The following PRKCE variants were observed in gnomAD, a reference collection of about 807,000 sequenced individuals.
PRKCE encodes protein kinase C epsilon.
In PRKCE, 16 loss-of-function variants were observed where a neutral mutation model predicts 85.4. The ratio of observed to expected loss-of-function variants is 0.19; its 90% CI spans 0.13 to 0.28. PRKCE has a LOEUF of 0.28. PRKCE is among the 10% of genes least tolerant of loss of function. PRKCE has a pLI of 1.00. For missense variants in PRKCE, 573 were observed against 975.2 expected (o/e 0.59, Z 5.49); for synonymous variants, 388 against 371.5 (o/e 1.04, Z -0.51).
intron 1 of PRKCE, among the ~76,000 whole-genome samples, chr2:45,833,934 C>T (rs1573539871): frequency 6.6e-6 from 1 of 152,208 alleles, no homozygotes; most frequent in South Asian, 2.1e-4. Flanking sequence ...GTGCTGTGAG[C>T]AGATGATGCT....
At chr2:45,933,497 T>C (rs1381167382) in intron 2 of PRKCE, among the ~76,000 whole-genome samples, 2 of 119,950 alleles carry the variant, frequency 1.7e-5, no homozygotes, top group Non-Finnish European at 3.4e-5. Flanking sequence ...TTTTTGAGAC[T>C]GAGTCTCGCT....
At position 46,185,008 on chromosome 2, in the gene PRKCE, CTATT is replaced by C. The variant is rs1680352919; in HGVS notation, c.*132_*135del. 3 of 1,296,670 alleles carry C rather than the reference CTATT, an allele frequency of 2.3e-6. No individual in the cohort carries two copies. The African/African-American group carries it at 4.4e-5, about 19-fold the overall frequency. The allele number at this position is 1,296,670 out of a possible 1,614,324, so 80.3% of individuals were successfully genotyped here. ...GGAGCCCCAGTCCCATGTCCACTGT[CTATT>C]TATTGCATTCCCTTGCCCCAGGCCA... On this transcript the variant is annotated 3_prime_UTR_variant, in exon 15 of 15. Transcript: ENST00000306156. The surrounding 1 kb of genome is among the most constrained non-coding windows in gnomAD (Gnocchi z 4.7).
chr2:46,010,981 A>C, intron 10 of PRKCE: 1 of 1,372,628 alleles, frequency 7.3e-7, no homozygotes. Flanking sequence ...TTTCATAGTG[A>C]AACACAAATA....
intron 2 of PRKCE, among the ~76,000 whole-genome samples, chr2:45,882,818 G>A (rs1220393216): frequency 1.3e-5 from 2 of 152,224 alleles, no homozygotes; most frequent in African/African-American, 2.4e-5. Flanking sequence ...TGTTACCTCC[G>A]AGTCTGCCGA....
chr2:45,657,194 T>A (rs772735249), intron 1 of PRKCE, among the ~76,000 whole-genome samples: 2 of 152,212 alleles, frequency 1.3e-5, no homozygotes, highest in Non-Finnish European at 2.9e-5. Context: ...TCCCTTGCTG[T>A]ATTCTGTAGA....
chr2:46,145,285 G>C lies in PRKCE; in HGVS notation c.1731+54G>C, dbSNP rs949953574. Reference sequence around the variant, plus strand: ...CTCCTGGTGCCAGGACCGAGGCAGGGGTCCAAACCCATGCACTGGGGTCAT... The same window carrying C: ...CTCCTGGTGCCAGGACCGAGGCAGGCGTCCAAACCCATGCACTGGGGTCAT... On this transcript the variant is annotated intron_variant, in intron 12 of 14. Transcript: ENST00000306156. The surrounding 1 kb of genome is among the most constrained non-coding windows in gnomAD (Gnocchi z 4.6). The C allele has an allele frequency of 1.9e-6, 3 of 1,591,694 alleles. No homozygotes were observed. Among genetic ancestry groups the C allele is most frequent in the Non-Finnish European group, 2.6e-6 (3 of 1,174,132 alleles).
In PRKCE at chr2:46,184,434, AACACACACACAC is replaced by A. The variant is rs3834107; in HGVS notation, c.2068-284_2068-273del. Among the ~76,000 whole-genome samples the A allele has an allele frequency of 2.0e-5, 3 of 149,196 alleles. No individual in the cohort carries two copies. Among genetic ancestry groups the A allele is most frequent in the Admixed American group, 6.7e-5 (1 of 15,034 alleles). On this transcript the variant is annotated intron_variant, in intron 14 of 14. Transcript: ENST00000306156. The surrounding 1 kb of genome is among the most constrained non-coding windows in gnomAD (Gnocchi z 5.0). ...GGGACCTTTGCATCATACACACACAAACACACACACACACACACACACACACACGTCTGTGGG... is the reference window on the plus strand; with the variant it reads ...GGGACCTTTGCATCATACACACACAAACACACACACACACACGTCTGTGGG...
chr2:46,104,296 C>CTTTTTTTTTTTTTTTTTTTTTTTT (rs59018550), intron 11 of PRKCE, among the ~76,000 whole-genome samples: 1 of 118,522 alleles, frequency 8.4e-6, no homozygotes. Context: ...TCACCTTGTA[C>CTTTTTTTTTTTTTTTTTTTTTTTT]TTTTTTTTTT....
intron 2 of PRKCE, among the ~76,000 whole-genome samples, chr2:45,966,577 C>T (rs557926033): frequency 1.3e-5 from 2 of 152,300 alleles, no homozygotes; most frequent in South Asian, 2.1e-4. Context: ...AGACTATAAT[C>T]ACTCTTTACC....
rs546522521 is a variant in PRKCE at position 45,895,985 on chromosome 2, G to T, written c.412+52922G>T. On this transcript the variant is annotated intron_variant, in intron 2 of 14. Transcript: ENST00000306156. This position sits in a 1 kb window ranked among gnomAD's most constrained non-coding sequence, Gnocchi z 4.8. ...AGGAGGGCACTTCAGGTAGAGCGTG[G>T]GCACTGCACAATGGTTGTCCTGGAT... 6.6e-6 allele frequency among the ~76,000 whole-genome samples: 1 copy of T among 152,304 alleles called. No individual in the cohort carries two copies. Among genetic ancestry groups the T allele is most frequent in the South Asian group, 2.1e-4 (1 of 4,826 alleles).
At chr2:45,900,755 C>T (rs1313697402) in intron 2 of PRKCE, among the ~76,000 whole-genome samples, 1 of 152,098 alleles carries the variant, frequency 6.6e-6, no homozygotes, top group East Asian at 1.9e-4. Flanking sequence ...TAAAATTTAC[C>T]ATTTTAACCA....
At chr2:45,974,647 C>T (rs1214705651) in intron 2 of PRKCE, among the ~76,000 whole-genome samples, 1 of 152,218 alleles carries the variant, frequency 6.6e-6, no homozygotes, top group African/African-American at 2.4e-5. Flanking sequence ...CTACCCTACC[C>T]TCCAATAACA....
At chr2:45,893,835 C>A (rs1695924926) in intron 2 of PRKCE, among the ~76,000 whole-genome samples, 1 of 152,134 alleles carries the variant, frequency 6.6e-6, no homozygotes, top group East Asian at 1.9e-4. Flanking sequence ...AGGACCGGGG[C>A]TGGTCTGTTC....
chr2:46,086,167 C>A lies in PRKCE; in HGVS notation c.1438-41C>A, dbSNP rs1203218579. ...CTAAGCTGGCCTGTGTGGGCAGCTG[C>A]AATCAAATGACCCAAATGGCATTTT... On this transcript the variant is annotated intron_variant, in intron 10 of 14. Transcript: ENST00000306156. 1.3e-5 allele frequency: 20 copies of A among 1,590,628 alleles called. No homozygotes were observed. The Middle Eastern group carries it at 7.2e-4, about 57-fold the overall frequency.
At chr2:46,180,040 G>T (rs970547763) in intron 14 of PRKCE, among the ~76,000 whole-genome samples, 58 of 152,314 alleles carry the variant, frequency 3.8e-4, no homozygotes, top group Admixed American at 2.6e-4. Flanking sequence ...GGATAGAATG[G>T]TGAGTTCAAC....
chr2:46,076,143 C>G (rs1176469938), intron 10 of PRKCE, among the ~76,000 whole-genome samples: 2 of 152,200 alleles, frequency 1.3e-5, no homozygotes, highest in Non-Finnish European at 2.9e-5. Context: ...TTCTAAAACC[C>G]TCCTGATTCT....
At chr2:46,091,573 G>T (rs956682046) in intron 11 of PRKCE, among the ~76,000 whole-genome samples, 2 of 152,198 alleles carry the variant, frequency 1.3e-5, no homozygotes, top group Non-Finnish European at 2.9e-5. Context: ...AGAGGGTGGA[G>T]AAAGACGTAG....
chr2:45,704,133 A>T (rs1395304895), intron 1 of PRKCE, among the ~76,000 whole-genome samples: 3 of 152,260 alleles, frequency 2.0e-5, no homozygotes, highest in Admixed American at 2.0e-4. Flanking sequence ...GGCAGGGAGC[A>T]GCATATAGTG....
intron 6 of PRKCE, among the ~76,000 whole-genome samples, chr2:45,997,290 T>C (rs1412771625): frequency 6.6e-6 from 1 of 152,110 alleles, no homozygotes; most frequent in Non-Finnish European, 1.5e-5. Context: ...TTTTCTCTAC[T>C]GATTTTCTGT....
Sources: allele counts gnomAD v4.1 joint callset (sites outside exome capture counted in the v4.1 genomes callset), GRCh38; gene constraint gnomAD v4.1.1; non-coding constraint Gnocchi (gnomAD v3.1); transcripts MANE v1.5; gene names NCBI Gene and HGNC (gene_info 2026-07-23, HGNC 2026-07-21).